The following ELAPOR2 variants were observed in gnomAD, a reference collection of about 807,000 sequenced individuals.
ELAPOR2 encodes endosome-lysosome associated apoptosis and autophagy regulator family member 2, also known as endosome/lysosome-associated apoptosis and autophagy regulator family member 2.
A neutral mutation model predicts 120.7 loss-of-function variants in ELAPOR2; 89 were observed. The ratio of observed to expected loss-of-function variants is 0.74; its 90% confidence interval spans 0.62 to 0.88. The LOEUF (loss-of-function observed/expected upper bound fraction) is 0.88. Among genes scored for constraint, ELAPOR2 ranks in the 40% least tolerant of loss-of-function variants. The pLI is 0.00. For synonymous variants in ELAPOR2, 444 were observed against 444.9 expected (o/e 1.00, Z 0.03); for missense variants, 1,134 against 1,251.6 (o/e 0.91, Z 1.42).
intron 1 of ELAPOR2, among the ~76,000 whole-genome samples, chr7:87,020,427 A>G (rs972912847): frequency 2.0e-5 from 3 of 152,164 alleles, no homozygotes; most frequent in Non-Finnish European, 2.9e-5. Flanking sequence ...ACATAAAATG[A>G]AATATTTTTC....
chr7:87,048,527 AC>A (rs2129017185), intron 1 of ELAPOR2, among the ~76,000 whole-genome samples: 1 of 152,328 alleles, frequency 6.6e-6, no homozygotes, highest in Admixed American at 6.5e-5. Flanking sequence ...ATTAATTGGT[AC>A]AAAAAAATAG....
intron 1 of ELAPOR2, among the ~76,000 whole-genome samples, chr7:87,017,302 G>T (rs541914041): frequency 6.6e-6 from 1 of 152,256 alleles, no homozygotes; most frequent in East Asian, 1.9e-4. Context: ...ATTATGAACT[G>T]TAATGGCAAG....
chr7:86,880,490 G>A lies in ELAPOR2; in HGVS notation c.3071C>T (p.Ser1024Leu), dbSNP rs749872207. The A allele has an allele frequency of 3.7e-6, 6 of 1,610,030 alleles. No homozygotes were observed. Among genetic ancestry groups the A allele is most frequent in the Admixed American group, 3.3e-5 (2 of 59,916 alleles). Reference protein sequence around the residue: ...DHFESVQLKTSRSPNI With the variant: ...DHFESVQLKTLRSPNI ...GTCTCTTCATATATTTGGGGATCTT[G>A]AGGTTTTCAGTTGAACAGATTCAAA... Residue 1024 changes from serine (S) to leucine (L), a missense_variant, in exon 22 of 22, where the codon TCA becomes TTA. By Grantham distance (145) the Ser-to-Leu change is moderately radical (BLOSUM62 -2). This residue lies in a region of ELAPOR2 where 831 missense variants were observed against 867.6 expected (regional missense o/e 0.96). Coordinates refer to ENST00000450689, the MANE Select transcript of ELAPOR2 (RefSeq NM_001142749.3).
intron 10 of ELAPOR2, among the ~76,000 whole-genome samples, chr7:86,921,212 C>T (rs186032736): frequency 2.7e-4 from 41 of 152,206 alleles, no homozygotes; most frequent in Admixed American, 2.6e-3. Flanking sequence ...AAATCTCCAC[C>T]ACCAATACCC....
At chr7:86,921,949 A>G in intron 10 of ELAPOR2, among the ~76,000 whole-genome samples, 1 of 152,150 alleles carries the variant, frequency 6.6e-6, no homozygotes, top group Admixed American at 6.6e-5. Context: ...CACATTTTAT[A>G]ATGTAAAAAG....
chr7:87,041,650 C>A (rs1794791213), intron 1 of ELAPOR2, among the ~76,000 whole-genome samples: 1 of 151,996 alleles, frequency 6.6e-6, no homozygotes. Context: ...CCAGCCGCTG[C>A]AAAATCATGC....
At chr7:86,927,291 C>A (rs946922115) in intron 8 of ELAPOR2, among the ~76,000 whole-genome samples, 9 of 152,010 alleles carry the variant, frequency 5.9e-5, no homozygotes, top group Admixed American at 1.3e-4. Context: ...GAGACTTCCA[C>A]TAACCTCTTC....
At chr7:87,058,156 C>G (rs1795319111) in intron 1 of ELAPOR2, among the ~76,000 whole-genome samples, 1 of 152,104 alleles carries the variant, frequency 6.6e-6, no homozygotes, top group Non-Finnish European at 1.5e-5. Flanking sequence ...GTCCTGGGAC[C>G]TGTACTGTAG....
chr7:86,930,332 T>A (rs1790272453), intron 8 of ELAPOR2, among the ~76,000 whole-genome samples: 1 of 151,906 alleles, frequency 6.6e-6, no homozygotes, highest in Non-Finnish European at 1.5e-5. Flanking sequence ...AATTCAGAAA[T>A]CCCTAGTCTC....
At chr7:86,967,714 T>C (rs1036600435) in intron 1 of ELAPOR2, among the ~76,000 whole-genome samples, 5 of 152,194 alleles carry the variant, frequency 3.3e-5, no homozygotes, top group East Asian at 1.9e-4. Context: ...AAAGGTATTG[T>C]GTTTTCTGGC....
chr7:86,965,079 T>G, intron 1 of ELAPOR2, 55 bp from the exon 2 acceptor site: 1 of 1,542,230 alleles, frequency 6.5e-7, no homozygotes. Flanking sequence ...ACGGGACAAC[T>G]GTGCTTTCTC....
At chr7:86,890,518 G>A (rs1463190756) in intron 21 of ELAPOR2, among the ~76,000 whole-genome samples, 1 of 152,016 alleles carries the variant, frequency 6.6e-6, no homozygotes, top group Non-Finnish European at 1.5e-5. Context: ...ATAGCGCTGT[G>A]GGAACACAGC....
chr7:86,919,682 A>T (rs1334950506), intron 10 of ELAPOR2: 1 of 157,726 alleles, frequency 6.3e-6, no homozygotes, highest in African/African-American at 2.4e-5. Context: ...AACAGAAAAG[A>T]TTTGGGACCT....
At chr7:86,945,818 T>G (rs996463430) in intron 3 of ELAPOR2, among the ~76,000 whole-genome samples, 4 of 152,084 alleles carry the variant, frequency 2.6e-5, no homozygotes, top group Non-Finnish European at 4.4e-5. Flanking sequence ...TTGTATTCTT[T>G]CAAATTTTAA....
intron 3 of ELAPOR2, among the ~76,000 whole-genome samples, chr7:86,945,276 T>A (rs1790953490): frequency 6.6e-6 from 1 of 152,184 alleles, no homozygotes; most frequent in Non-Finnish European, 1.5e-5. Context: ...TGCTAAGAAA[T>A]TGTTATTTTT....
intron 1 of ELAPOR2, among the ~76,000 whole-genome samples, chr7:87,016,028 A>C (rs1164230378): frequency 6.6e-6 from 1 of 152,092 alleles, no homozygotes; most frequent in Non-Finnish European, 1.5e-5. Context: ...TCCCTAAATT[A>C]GTGTTGTGTC....
intron 15 of ELAPOR2, chr7:86,911,527 T>C: frequency 4.6e-6 from 2 of 431,082 alleles, no homozygotes; most frequent in Non-Finnish European, 9.2e-6. Context: ...ATATTGGGCA[T>C]CATGGTCCTG....
chr7:86,916,560 G>T (rs1273173810), intron 12 of ELAPOR2, among the ~76,000 whole-genome samples: 2 of 152,132 alleles, frequency 1.3e-5, no homozygotes, highest in Non-Finnish European at 1.5e-5. Flanking sequence ...GTATTCAGAG[G>T]CTGTTGGTTC....
At chr7:86,911,659 T>C (rs554126689) in intron 15 of ELAPOR2, 22 of 457,692 alleles carry the variant, frequency 4.8e-5, no homozygotes, top group African/African-American at 4.0e-4. Flanking sequence ...GTCTCCTTTT[T>C]ATTTTGGACA....
Sources: gnomAD v4.1 joint callset for allele counts (sites outside exome capture counted in the v4.1 genomes callset) on GRCh38, gnomAD v4.1.1 for gene constraint, gnomAD v4.1.1 regional missense constraint, MANE v1.5 for transcripts, NCBI Gene and HGNC (gene_info 2026-07-23, HGNC 2026-07-21) for gene names.